Variants in FIRRM observed in about 807,000 individuals in gnomAD.
FIRRM encodes FIGNL1 interacting regulator of recombination and mitosis, also known as FIGNL1-interacting regulator of recombination and mitosis.
the FIRRM span, chr1:169,795,213 C>T: frequency 3.9e-6 from 6 of 1,535,678 alleles, no homozygotes; most frequent in Admixed American, 9.8e-5. Flanking sequence ...CCCGACTCCT[C>T]ATATCCTTCC....
the FIRRM span, chr1:169,852,647 T>C: frequency 1.3e-6 from 1 of 762,192 alleles, no homozygotes; most frequent in South Asian, 1.8e-5. Context: ...TAGATGACTG[T>C]GTAGGGGTTT....
At chr1:169,853,058 A>G in the FIRRM span, 1 of 1,480,738 alleles carries the variant, frequency 6.8e-7, no homozygotes, top group East Asian at 2.3e-5. Flanking sequence ...ACATTTTCTA[A>G]CAGATATAAA....
chr1:169,800,715 C>CTTTT, the FIRRM span, among the ~76,000 whole-genome samples: 3,764 of 136,866 alleles, frequency 0.028, 211 homozygotes, highest in East Asian at 0.21. Context: ...TCCTTTCTCT[C>CTTTT]TTTTTTTTTT....
At chr1:169,832,702 C>G in the FIRRM span, among the ~76,000 whole-genome samples, 1 of 152,046 alleles carries the variant, frequency 6.6e-6, no homozygotes, top group Non-Finnish European at 1.5e-5. Context: ...TTCCTGGGCT[C>G]AAGCAATCCT....
chr1:169,846,320 T>G, the FIRRM span, among the ~76,000 whole-genome samples: 1 of 152,134 alleles, frequency 6.6e-6, no homozygotes, highest in Non-Finnish European at 1.5e-5. Flanking sequence ...GCCTTAGGAT[T>G]TTTTTAATAG....
the FIRRM span, chr1:169,851,045 CTTTTTTTTTTTTTTTTTTTT>C: frequency 5.8e-5 from 1 of 17,312 alleles, no homozygotes; most frequent in East Asian, 2.2e-3. Context: ...GCTCAGGGCC[CTTTTTTTTTTTTTTTTTTTT>C]TTTTTTTTGG....
the FIRRM span, among the ~76,000 whole-genome samples, chr1:169,822,457 A>T: frequency 1.3e-5 from 2 of 152,114 alleles, no homozygotes; most frequent in Admixed American, 1.3e-4. Flanking sequence ...TGCTGTAAGC[A>T]TTCTCTGCTC....
the FIRRM span, among the ~76,000 whole-genome samples, chr1:169,797,117 ACCTAGAACAGTGC>A: frequency 6.6e-6 from 1 of 152,220 alleles, no homozygotes; most frequent in Non-Finnish European, 1.5e-5. Flanking sequence ...TACCCTCAGC[ACCTAGAACAGTGC>A]CTGACACATA....
chr1:169,791,239 A>G, the FIRRM span, among the ~76,000 whole-genome samples: 7 of 152,384 alleles, frequency 4.6e-5, no homozygotes, highest in East Asian at 1.2e-3. Context: ...TCTTCTGTGT[A>G]GCTACATCTG....
At chr1:169,846,118 G>A in the FIRRM span, among the ~76,000 whole-genome samples, 16 of 152,176 alleles carry the variant, frequency 1.1e-4, no homozygotes, top group Non-Finnish European at 2.4e-4. Context: ...CCTTCAGAGC[G>A]CCTGGTTGAG....
At chr1:169,814,618 T>C in the FIRRM span, among the ~76,000 whole-genome samples, 3 of 152,236 alleles carry the variant, frequency 2.0e-5, no homozygotes, top group African/African-American at 4.8e-5. Flanking sequence ...GAAGTGCCAC[T>C]AGTGATCCTG....
the FIRRM span, among the ~76,000 whole-genome samples, chr1:169,809,695 A>G: frequency 6.6e-6 from 1 of 152,156 alleles, no homozygotes; most frequent in East Asian, 1.9e-4. Flanking sequence ...ATTTTTTCAA[A>G]TTTGGGACTG....
the FIRRM span, among the ~76,000 whole-genome samples, chr1:169,792,106 T>C: frequency 1.3e-5 from 2 of 152,216 alleles, no homozygotes; most frequent in African/African-American, 4.8e-5. Flanking sequence ...ATTCTCAGCA[T>C]TCTGATCCTT....
At chr1:169,827,909 T>C in the FIRRM span, 1 of 1,526,542 alleles carries the variant, frequency 6.6e-7, no homozygotes, top group African/African-American at 1.4e-5. Context: ...GGAATGGTCT[T>C]GAAATTAAGT....
the FIRRM span, among the ~76,000 whole-genome samples, chr1:169,825,338 T>G: frequency 6.6e-6 from 1 of 152,354 alleles, no homozygotes; most frequent in South Asian, 2.1e-4. Context: ...ATTTTTCTTC[T>G]TTACAGCATT....
chr1:169,840,138 G>C, the FIRRM span, among the ~76,000 whole-genome samples: 1 of 152,048 alleles, frequency 6.6e-6, no homozygotes, highest in Admixed American at 6.5e-5. Context: ...TTATAGTATA[G>C]TTTCAAGTCA....
At chr1:169,803,202 T>G in the FIRRM span, 2 of 1,614,004 alleles carry the variant, frequency 1.2e-6, no homozygotes, top group Non-Finnish European at 1.7e-6. Flanking sequence ...TCTCACAGGA[T>G]GTGTTCAGCA....
the FIRRM span, among the ~76,000 whole-genome samples, chr1:169,822,958 A>AT: frequency 9.3e-5 from 14 of 151,232 alleles, no homozygotes; most frequent in African/African-American, 2.2e-4. Context: ...CATGTTAAGA[A>AT]TTTTTTTTTA....
At chr1:169,827,723 A>G in the FIRRM span, 5 of 1,614,086 alleles carry the variant, frequency 3.1e-6, no homozygotes, top group South Asian at 5.5e-5. Context: ...CTGCCATGTG[A>G]ACTGCAGTTT....
Sources: gnomAD v4.1 joint callset for allele counts (sites outside exome capture counted in the v4.1 genomes callset) on GRCh38, gnomAD v4.1.1 for gene constraint, MANE v1.5 for transcripts, NCBI Gene and HGNC (gene_info 2026-07-23, HGNC 2026-07-21) for gene names.